TUT4: variants seen among roughly 807,000 people sequenced by gnomAD.
The protein encoded by TUT4 is terminal uridylyltransferase 4.
TUT4 carries 36 observed loss-of-function variants against 192.2 expected under a neutral mutation model. That is an observed-to-expected ratio of 0.19 (90% CI 0.14 to 0.25). The LOEUF (loss-of-function observed/expected upper bound fraction) is 0.25, where lower values mean the gene tolerates loss of function less well. Among genes scored for constraint, TUT4 ranks in the 10% least tolerant of loss-of-function variants. The pLI, the probability that TUT4 is intolerant of heterozygous loss-of-function variation, is 1.00. For synonymous variants in TUT4, 618 were observed against 666.0 expected (o/e 0.93, Z 1.11); for missense variants, 1,493 against 1,957.2 (o/e 0.76, Z 4.47).
At chr1:52,499,123 G>T (rs1443282568) in intron 4 of TUT4, among the ~76,000 whole-genome samples, 1 of 151,376 alleles carries the variant, frequency 6.6e-6, no homozygotes, top group African/African-American at 2.4e-5. Flanking sequence ...ACATGGCCAG[G>T]TCAGGTAGCC....
chr1:52,480,890 A>G (rs1668334038), intron 11 of TUT4, among the ~76,000 whole-genome samples: 1 of 152,190 alleles, frequency 6.6e-6, no homozygotes, highest in South Asian at 2.1e-4. Flanking sequence ...ATATAGCTAG[A>G]GCAATGATTT....
intron 1 of TUT4, among the ~76,000 whole-genome samples, chr1:52,531,227 CTTT>C (rs555777687): frequency 2.1e-5 from 3 of 142,944 alleles, no homozygotes; most frequent in Non-Finnish European, 1.5e-5. Context: ...AGAAAAAGTA[CTTT>C]TTTTTTTTTT....
intron 13 of TUT4, 103 bp downstream of exon 13, chr1:52,474,729 G>T: frequency 9.9e-7 from 1 of 1,007,400 alleles, no homozygotes. Flanking sequence ...TCCAAAACAA[G>T]TCACCACTTT....
At chr1:52,505,140 T>C (rs116576318) in intron 4 of TUT4, among the ~76,000 whole-genome samples, 4,231 of 152,308 alleles carry the variant, frequency 0.028, 77 homozygotes, top group South Asian at 0.063. Flanking sequence ...TTTTAATTTG[T>C]TGAAGAACCA....
chr1:52,514,576 T>C (rs1678186478), intron 3 of TUT4, among the ~76,000 whole-genome samples: 1 of 152,238 alleles, frequency 6.6e-6, no homozygotes, highest in African/African-American at 2.4e-5. Flanking sequence ...TATTCCTTTC[T>C]CTTTTCATGT....
chr1:52,468,214 C>T lies in TUT4; in HGVS notation c.2932G>A (p.Gly978Ser), dbSNP rs760410712. ...TCTTTTTGAATAAACTTTTCCAAGC[C>T]AATTAAAATTTGCTCCCTGTTGTGT... ...EQHNREQILI[G>S]LEKFIQKEYD... The change falls in exon 15 of 30, where the codon GGC becomes AGC. Residue 978 changes from glycine (G) to serine (S), a missense_variant. Coordinates refer to ENST00000257177, the MANE Select transcript of TUT4 (RefSeq NM_001009881.3). 1.2e-6 allele frequency: 2 copies of T among 1,610,528 alleles called. No individual in the cohort carries two copies.
rs1654018297 is a variant in TUT4, at chr1:52,437,085, T to C, written c.3939-107A>G. On this transcript the variant is annotated intron_variant, in intron 25 of 29. Coordinates refer to ENST00000257177, the MANE Select transcript of TUT4 (RefSeq NM_001009881.3). ...AAGGACTAACATGCCCATCATTTCA[T>C]GCGTCTTTTTGAAGGCAAGGGAACA... 8.3e-6 allele frequency: 12 copies of C among 1,440,400 alleles called. 1 individual carries two copies. In the South Asian group the frequency reaches 1.8e-4, roughly 21 times the overall value. The allele number at this position is 1,440,400 out of a possible 1,614,324, so 89.2% of individuals were successfully genotyped here. A position where few individuals can be genotyped will look rare whatever the true frequency, so the allele number is the denominator to read the frequency against.
chr1:52,504,884 C>T (rs974691794), intron 4 of TUT4, among the ~76,000 whole-genome samples: 1 of 152,170 alleles, frequency 6.6e-6, no homozygotes, highest in Non-Finnish European at 1.5e-5. Context: ...CAAGGTTCAT[C>T]CATGTTGTTG....
At chr1:52,509,571 A>C in intron 4 of TUT4, 25 bp downstream of exon 4, 1 of 1,200,454 alleles carries the variant, frequency 8.3e-7, no homozygotes, top group African/African-American at 1.6e-5. Flanking sequence ...AAAATAAATA[A>C]AAGTATTTTT....
chr1:52,477,868 C>A lies in TUT4; in HGVS notation c.1863G>T (p.Leu621Phe). ...CCAAGGATACCCGATTTGGTGTTTC[C>A]AATGCTAAAGGAGACTGGAAAAGAA... is the stretch of plus-strand genomic sequence containing the variant. ...KEKHGKSPLA[L>F]ETPNRVSLGQ... The change falls in exon 12 of 30, where the codon TTG becomes TTT. Residue 621 changes from leucine to phenylalanine, a missense_variant. Physicochemically the swap from Leu to Phe is conservative, Grantham distance 22 (BLOSUM62 0). Around this residue, in one of 7 missense-constraint regions of TUT4, gnomAD observed 437 missense variants for 577.6 expected, o/e 0.76. Transcript: ENST00000257177. 1.2e-6 allele frequency: 2 copies of A among 1,607,006 alleles called. No individual in the cohort carries two copies. The highest frequency in any genetic ancestry group is 1.7e-6 in the Non-Finnish European group (2 of 1,177,624).
chr1:52,480,710 C>T (rs1306250287), intron 11 of TUT4, among the ~76,000 whole-genome samples: 1 of 152,040 alleles, frequency 6.6e-6, no homozygotes, highest in African/African-American at 2.4e-5. Context: ...AGACTGAATA[C>T]GCAAGTGAAG....
At position 52,491,411 on chromosome 1, in the gene TUT4, C is replaced by T. The variant is rs117322059; in HGVS notation, c.1319-610G>A. 3.6e-3 allele frequency among the ~76,000 whole-genome samples: 541 copies of T among 152,156 alleles called. 7 individuals carry two copies. The highest frequency in any genetic ancestry group is 0.034 in the South Asian group (162 of 4,820). ...TCTAAATAAAAACAGATAGATTGGC[C>T]GGGCATGGTGGCTCACACCTGTAAT... is the stretch of plus-strand genomic sequence containing the variant. On this transcript the variant is annotated intron_variant, in intron 7 of 29. Coordinates refer to ENST00000257177, the MANE Select transcript of TUT4 (RefSeq NM_001009881.3).
intron 12 of TUT4, 127 bp from the exon 13 acceptor site, chr1:52,475,662 T>G (rs1176898922): frequency 1.2e-6 from 1 of 834,172 alleles, no homozygotes; most frequent in Non-Finnish European, 1.8e-6. Context: ...TTTTCTAAGC[T>G]AGACTCCCAG....
intron 8 of TUT4, among the ~76,000 whole-genome samples, chr1:52,489,772 G>A (rs1290592277): frequency 6.6e-6 from 1 of 152,110 alleles, no homozygotes; most frequent in Non-Finnish European, 1.5e-5. Context: ...TGTGAATCTA[G>A]ACAAACTGAT....
intron 9 of TUT4, among the ~76,000 whole-genome samples, chr1:52,482,443 C>T (rs1345782917): frequency 2.0e-5 from 3 of 152,020 alleles, no homozygotes; most frequent in African/African-American, 4.8e-5. Flanking sequence ...AGATCTAACA[C>T]GTTATTTTAT....
Position 52,462,811 on chromosome 1 carries a change from G to A in TUT4, c.3070-1042C>T, listed in dbSNP as rs186153952. The A allele has an allele frequency of 1.5e-4, 151 of 985,268 alleles. No homozygotes were observed. In the African/African-American group the frequency reaches 2.5e-3, roughly 16 times the overall value. The allele number at this position is 985,268 out of a possible 1,614,324, so 61.0% of individuals were successfully genotyped here. A position where few individuals can be genotyped will look rare whatever the true frequency, so the allele number is the denominator to read the frequency against. On this transcript the variant is annotated intron_variant, in intron 16 of 29. Transcript: ENST00000257177. Reference sequence around the variant, plus strand: ...ACTCTTGTAAAAACCAGAGACAGCAGAGTTGGTATGGTAATGATAATCATA... The same window carrying A: ...ACTCTTGTAAAAACCAGAGACAGCAAAGTTGGTATGGTAATGATAATCATA...
intron 24 of TUT4, among the ~76,000 whole-genome samples, chr1:52,440,218 T>C (rs1487742406): frequency 2.0e-5 from 3 of 152,164 alleles, no homozygotes; most frequent in Non-Finnish European, 2.9e-5. Context: ...CACAATCCTG[T>C]ATATATATTA....
chr1:52,461,351 A>C, intron 18 of TUT4, 128 bp from the exon 19 acceptor site: 1 of 1,106,474 alleles, frequency 9.0e-7, no homozygotes, highest in Non-Finnish European at 1.3e-6. Context: ...CCTATTAATG[A>C]GTCAAACAAA....
intron 28 of TUT4, among the ~76,000 whole-genome samples, chr1:52,427,324 AG>A (rs1378625200): frequency 1.3e-5 from 2 of 152,152 alleles, no homozygotes; most frequent in African/African-American, 4.8e-5. Flanking sequence ...TGAGCAGCAG[AG>A]GTAACGGAGA....
Sources: gnomAD v4.1 joint callset for allele counts (sites outside exome capture counted in the v4.1 genomes callset) on GRCh38, gnomAD v4.1.1 for gene constraint, gnomAD v4.1.1 regional missense constraint, MANE v1.5 for transcripts, NCBI Gene and HGNC (gene_info 2026-07-23, HGNC 2026-07-21) for gene names.